The following PRKCE variants were observed in gnomAD, a reference collection of about 807,000 sequenced individuals.
The protein encoded by PRKCE is protein kinase C epsilon, also known as protein kinase C epsilon type.
PRKCE carries 16 observed loss-of-function variants against 85.4 expected under a neutral mutation model. The observed-to-expected ratio is 0.19, with a 90% confidence interval of 0.13 to 0.28. The LOEUF (loss-of-function observed/expected upper bound fraction) is 0.28. Ranked by LOEUF, PRKCE falls within the 10% of genes least tolerant of loss-of-function variation. The probability of loss-of-function intolerance (pLI) is 1.00; values close to 1 mark genes in which losing one functional copy is unlikely to be tolerated. For missense variants in PRKCE, 573 were observed against 975.2 expected (o/e 0.59, Z 5.49); for synonymous variants, 388 against 371.5 (o/e 1.04, Z -0.51).
At chr2:45,842,610 T>C (rs1005172189) in intron 1 of PRKCE, among the ~76,000 whole-genome samples, 3 of 152,198 alleles carry the variant, frequency 2.0e-5, no homozygotes, top group Non-Finnish European at 4.4e-5. Context: ...ACATCATTGA[T>C]GACATTTGGG....
At chr2:45,792,823 G>C (rs1353844196) in intron 1 of PRKCE, among the ~76,000 whole-genome samples, 1 of 152,196 alleles carries the variant, frequency 6.6e-6, no homozygotes, top group South Asian at 2.1e-4. Flanking sequence ...TGTTGAGACA[G>C]AGTCTTGCTC....
intron 1 of PRKCE, among the ~76,000 whole-genome samples, chr2:45,687,878 G>C (rs1041016877): frequency 6.6e-6 from 1 of 152,226 alleles, no homozygotes; most frequent in Non-Finnish European, 1.5e-5. Context: ...TTAGGTTCTC[G>C]CTTGCTTTTG....
chr2:46,051,194 C>G (rs1230612581), intron 10 of PRKCE, among the ~76,000 whole-genome samples: 1 of 152,194 alleles, frequency 6.6e-6, no homozygotes, highest in Non-Finnish European at 1.5e-5. Flanking sequence ...TCTCAAAACT[C>G]CTTCAACTTT....
At chr2:45,654,276 C>T (rs778893983) in intron 1 of PRKCE, among the ~76,000 whole-genome samples, 1 of 152,264 alleles carries the variant, frequency 6.6e-6, no homozygotes, top group Non-Finnish European at 1.5e-5. Flanking sequence ...ACCCCAAACT[C>T]TGGGAGCTTC....
intron 1 of PRKCE, among the ~76,000 whole-genome samples, chr2:45,824,580 C>T (rs1424790204): frequency 6.6e-6 from 1 of 151,936 alleles, no homozygotes; most frequent in Non-Finnish European, 1.5e-5. Context: ...CTCCCTCCCT[C>T]CCTCCGTCCC....
At chr2:45,775,401 G>A (rs1452990196) in intron 1 of PRKCE, among the ~76,000 whole-genome samples, 1 of 152,154 alleles carries the variant, frequency 6.6e-6, no homozygotes, top group Non-Finnish European at 1.5e-5. Context: ...CAGCATTTGA[G>A]GCTCATGAAA....
chr2:46,167,763 C>T (rs1052360957), intron 14 of PRKCE: 2 of 150,958 alleles, frequency 1.3e-5, no homozygotes, highest in African/African-American at 2.4e-5. Flanking sequence ...CCCCGGTCCC[C>T]TGCTTTTACT....
intron 1 of PRKCE, among the ~76,000 whole-genome samples, chr2:45,726,949 A>G (rs930407484): frequency 2.0e-5 from 3 of 152,202 alleles, no homozygotes. Flanking sequence ...TACTTTCCTC[A>G]TGGGAAATAA....
chr2:46,157,178 G>A (rs79815065), intron 13 of PRKCE, among the ~76,000 whole-genome samples: 2,895 of 152,238 alleles, frequency 0.019, 41 homozygotes, highest in Middle Eastern at 0.041. Flanking sequence ...TTTGTCTCCT[G>A]ATTCCCGGAG....
chr2:45,999,497 C>T (rs1196933507), intron 6 of PRKCE, among the ~76,000 whole-genome samples: 4 of 151,368 alleles, frequency 2.6e-5, no homozygotes, highest in Non-Finnish European at 5.9e-5. Flanking sequence ...TGACTTCTTT[C>T]AGCGTTTTTT....
Position 45,948,615 on chromosome 2 carries a change from G to A in PRKCE, c.413-27814G>A, listed in dbSNP as rs546173923. 4.6e-5 allele frequency among the ~76,000 whole-genome samples: 7 copies of A among 152,252 alleles called. 1 individual carries two copies. Among genetic ancestry groups the A allele is most frequent in the Admixed American group, 3.9e-4 (6 of 15,290 alleles). On this transcript the variant is annotated intron_variant, in intron 2 of 14. Transcript: ENST00000306156. ...GCCAGCAGCACTGCACTCTAGCCTG[G>A]GTGACAGAGTGAGACCTTGTCTCTT...
At chr2:46,126,990 A>C (rs1673927492) in intron 11 of PRKCE, among the ~76,000 whole-genome samples, 1 of 152,186 alleles carries the variant, frequency 6.6e-6, no homozygotes, top group Non-Finnish European at 1.5e-5. Flanking sequence ...TGAGCTTAAA[A>C]ATCTAGAGTC....
chr2:46,180,584 C>T (rs953190316), intron 14 of PRKCE, among the ~76,000 whole-genome samples: 9 of 152,324 alleles, frequency 5.9e-5, no homozygotes, highest in Admixed American at 5.2e-4. Flanking sequence ...TGGGCAGATA[C>T]CATGCACTGT....
chr2:46,119,521 C>T (rs555200785), intron 11 of PRKCE, among the ~76,000 whole-genome samples: 7 of 152,194 alleles, frequency 4.6e-5, no homozygotes, highest in African/African-American at 1.7e-4. Context: ...TTGTGTTTTC[C>T]GAATTCCCCT....
chr2:45,899,493 C>G (rs1297253190), intron 2 of PRKCE, among the ~76,000 whole-genome samples: 1 of 152,006 alleles, frequency 6.6e-6, no homozygotes, highest in Non-Finnish European at 1.5e-5. Flanking sequence ...ATGATCTCCC[C>G]ACCTCAGCCT....
chr2:45,906,241 T>G (rs963692172), intron 2 of PRKCE, among the ~76,000 whole-genome samples: 3 of 152,230 alleles, frequency 2.0e-5, no homozygotes, highest in Admixed American at 6.5e-5. Flanking sequence ...GCTGGTGTGC[T>G]GGTGCTGAGT....
chr2:46,042,583 T>C (rs1336400708), intron 10 of PRKCE, among the ~76,000 whole-genome samples: 2 of 152,250 alleles, frequency 1.3e-5, no homozygotes, highest in Non-Finnish European at 2.9e-5. Flanking sequence ...GACCTGCTTT[T>C]AAAGCCCATC....
chr2:45,977,509 C>T (rs1398032631), intron 3 of PRKCE, among the ~76,000 whole-genome samples: 10 of 151,894 alleles, frequency 6.6e-5, no homozygotes, highest in East Asian at 3.9e-4. Flanking sequence ...TGGTGGTGTG[C>T]GCCTGTAATC....
chr2:45,670,694 A>C (rs987209137), intron 1 of PRKCE, among the ~76,000 whole-genome samples: 2 of 152,350 alleles, frequency 1.3e-5, no homozygotes. Context: ...ACATTTTACT[A>C]ACCCAAACAA....
Sources: allele counts gnomAD v4.1 joint callset (sites outside exome capture counted in the v4.1 genomes callset), GRCh38; gene constraint gnomAD v4.1.1; transcripts MANE v1.5; gene names NCBI Gene and HGNC (gene_info 2026-07-23, HGNC 2026-07-21).